HTR2A: variants seen among roughly 807,000 people sequenced by gnomAD.
HTR2A encodes the protein 5-hydroxytryptamine receptor 2A.
Under a neutral mutation model 31.0 loss-of-function variants are expected in HTR2A, and 14 were observed. The observed-to-expected ratio is 0.45, with a 90% confidence interval of 0.30 to 0.71. The LOEUF is 0.71. Ranked by LOEUF, HTR2A falls within the 30% of genes least tolerant of loss-of-function variation. HTR2A has a pLI of 0.09. For synonymous variants in HTR2A, 209 were observed against 225.2 expected (o/e 0.93, Z 0.64); for missense variants, 442 against 573.3 (o/e 0.77, Z 2.34).
chr13:46,864,439 T>A (rs2760345), intron 3 of HTR2A, among the ~76,000 whole-genome samples: 1 of 152,052 alleles, frequency 6.6e-6, no homozygotes, highest in Admixed American at 6.5e-5. Context: ...ATTCTTTCTT[T>A]GGCTCTTTGA....
chr13:46,885,568 G>A (rs937589345), intron 3 of HTR2A, among the ~76,000 whole-genome samples: 1 of 152,162 alleles, frequency 6.6e-6, no homozygotes, highest in Non-Finnish European at 1.5e-5. Context: ...TGAAGAAATT[G>A]CTGCATTAAA....
Position 46,856,282 on chromosome 13 carries a change from GCAAA to G in HTR2A, c.614-20647_614-20644del, listed in dbSNP as rs1950736858. 3.9e-5 allele frequency: 6 copies of G among 152,218 alleles called. No homozygotes were observed. In the South Asian group the frequency reaches 1.2e-3, roughly 32 times the overall value. 9.4% of individuals were successfully genotyped at this position (152,218 alleles called of 1,614,324 possible). A position where few individuals can be genotyped will look rare whatever the true frequency, so the allele number is the denominator to read the frequency against. On this transcript the variant is annotated intron_variant, in intron 3 of 3. Transcript: ENST00000542664. ...CACTTAGAAAAGATTTGAAATAAAT[GCAAA>G]TACCTAGGTACAATGTTTTATCTTT...
intron 3 of HTR2A, among the ~76,000 whole-genome samples, chr13:46,857,297 T>TAA (rs34073547): frequency 0.19 from 25,366 of 133,232 alleles, 2,546 homozygotes; most frequent in Non-Finnish European, 0.24. Flanking sequence ...GACTCCATCT[T>TAA]AAAAAAAAAA....
At chr13:46,877,440 ATTC>A (rs1271167020) in intron 3 of HTR2A, among the ~76,000 whole-genome samples, 1 of 152,208 alleles carries the variant, frequency 6.6e-6, no homozygotes, top group East Asian at 1.9e-4. Context: ...AAAGTAGTTT[ATTC>A]TTATATAAAG....
At chr13:46,881,664 C>T (rs1950964631) in intron 3 of HTR2A, among the ~76,000 whole-genome samples, 1 of 152,158 alleles carries the variant, frequency 6.6e-6, no homozygotes, top group African/African-American at 2.4e-5. Flanking sequence ...ACCCAAAGCC[C>T]TTTCTGTCCT....
chr13:46,894,654 C>T (rs1226045395), intron 2 of HTR2A, among the ~76,000 whole-genome samples: 1 of 152,156 alleles, frequency 6.6e-6, no homozygotes, highest in African/African-American at 2.4e-5. Flanking sequence ...GCTGCTTGTG[C>T]CTGTGTCAGC....
chr13:46,842,050 A>G (rs1950601667), intron 3 of HTR2A, among the ~76,000 whole-genome samples: 1 of 152,214 alleles, frequency 6.6e-6, no homozygotes, highest in Non-Finnish European at 1.5e-5. Flanking sequence ...GTAGGCATCG[A>G]CCAAAATATC....
At chr13:46,835,724 G>A (rs1006250345) in intron 3 of HTR2A, 85 bp from the exon 4 acceptor site, 12 of 1,005,536 alleles carry the variant, frequency 1.2e-5, no homozygotes, top group South Asian at 8.2e-5. Context: ...ATTGGCTATT[G>A]AAAAGATTTT....
chr13:46,847,573 C>T (rs2138195418), intron 3 of HTR2A, among the ~76,000 whole-genome samples: 1 of 152,310 alleles, frequency 6.6e-6, no homozygotes, highest in South Asian at 2.1e-4. Context: ...GTGGGCTAGA[C>T]ACATTTTTCA....
intron 3 of HTR2A, among the ~76,000 whole-genome samples, chr13:46,855,758 A>G (rs1436601539): frequency 6.6e-6 from 1 of 152,198 alleles, no homozygotes; most frequent in Non-Finnish European, 1.5e-5. Flanking sequence ...ATTTAACTTA[A>G]ATATCTAAAA....
intron 3 of HTR2A, among the ~76,000 whole-genome samples, chr13:46,876,364 C>T (rs998785125): frequency 7.3e-6 from 1 of 136,830 alleles, no homozygotes; most frequent in East Asian, 2.3e-4. Context: ...AAGGCATTTG[C>T]TGTGTGCTTG....
Position 46,839,459 on chromosome 13 carries a change from C to T in HTR2A, c.614-3820G>A, listed in dbSNP as rs187010208. 1.2e-3 allele frequency among the ~76,000 whole-genome samples: 187 copies of T among 152,228 alleles called. 1 individual carries two copies. The highest frequency in any genetic ancestry group is 2.2e-3 in the Non-Finnish European group (149 of 67,998). Reference sequence around the variant, plus strand: ...GAGAGATGAAGACATGGGCTGATATCCAATATCGTGGTCACAGCCATCTCT... The same window carrying T: ...GAGAGATGAAGACATGGGCTGATATTCAATATCGTGGTCACAGCCATCTCT... On this transcript the variant is annotated intron_variant, in intron 3 of 3. Coordinates refer to ENST00000542664, the MANE Select transcript of HTR2A (RefSeq NM_000621.5).
At chr13:46,866,302 C>A (rs975921142) in intron 3 of HTR2A, among the ~76,000 whole-genome samples, 1 of 152,148 alleles carries the variant, frequency 6.6e-6, no homozygotes, top group Non-Finnish European at 1.5e-5. Flanking sequence ...CTGACTCGCC[C>A]TTCAGCCTCA....
rs190473508 is a variant in HTR2A at position 46,880,890 on chromosome 13, C to T, written c.613+11500G>A. The stretch of plus-strand genomic sequence containing the variant: ...ACCTCTTTCTTTCTTATGACCTGAT[C>T]GTTTCTTAATTATTCTCACCAGTTT... On this transcript the variant is annotated intron_variant, in intron 3 of 3. Coordinates refer to ENST00000542664, the MANE Select transcript of HTR2A (RefSeq NM_000621.5). Among the ~76,000 whole-genome samples the T allele has an allele frequency of 2.1e-4, 32 of 152,122 alleles. No homozygotes were observed. The East Asian group carries it at 5.2e-3, about 25-fold the overall frequency.
In HTR2A at chr13:46,831,929, T is replaced by C. The variant is rs1222460752; in HGVS notation, c.*2908A>G. ...GGTTTGTTACTCCGTTTTAATAGTA[T>C]TCATTAAAAGTGAATCCTTTAATCA... On this transcript the variant is annotated 3_prime_UTR_variant, in exon 4 of 4. Coordinates refer to ENST00000542664, the MANE Select transcript of HTR2A (RefSeq NM_000621.5). 1 of 152,254 alleles carries C rather than the reference T, an allele frequency of 6.6e-6. No individual in the cohort carries two copies. The highest frequency in any genetic ancestry group is 1.5e-5 in the Non-Finnish European group (1 of 68,042). 9.4% of individuals were successfully genotyped at this position (152,254 alleles called of 1,614,324 possible).
chr13:46,864,472 C>T (rs757356406), intron 3 of HTR2A, among the ~76,000 whole-genome samples: 8 of 151,994 alleles, frequency 5.3e-5, no homozygotes, highest in Non-Finnish European at 1.0e-4. Context: ...TTTAAAAGGC[C>T]CTCGCAGGTC....
chr13:46,850,353 C>T (rs1011728708), intron 3 of HTR2A, among the ~76,000 whole-genome samples: 1 of 152,196 alleles, frequency 6.6e-6, no homozygotes, highest in Non-Finnish European at 1.5e-5. Flanking sequence ...ACTTACTCCT[C>T]ACAGTCACCC....
chr13:46,892,406 A>T lies in HTR2A; in HGVS notation c.597T>A (p.Val199=). 6.2e-7 allele frequency: 1 copy of T among 1,614,232 alleles called. No individual in the cohort carries two copies. Among genetic ancestry groups the T allele is most frequent in the Non-Finnish European group, 8.5e-7 (1 of 1,180,018 alleles). ...RTKAFLKIIA[V]WTISVGISMP... ...GCCACTTACCTACTGATATGGTCCA[A>T]ACAGCAATGATTTTCAGAAATGCCT... Residue 199 remains valine (V), a synonymous_variant, in exon 3 of 4, where the codon GTT becomes GTA. Transcript: ENST00000542664.
At position 46,835,046 on chromosome 13, in the gene HTR2A, T is replaced by C. The variant is rs2138336623; in HGVS notation, c.1207A>G (p.Lys403Glu). The change falls in exon 4 of 4, where the codon AAA becomes GAA. Residue 403 changes from lysine to glutamate, a missense_variant. Physicochemically the swap from Lys to Glu is moderately conservative, Grantham distance 56. This residue lies in a region of HTR2A where 88 missense variants were observed against 83.1 expected (regional missense o/e 1.06). Transcript: ENST00000542664. ...RYIQCQYKEN[K>E]KPLQLILVNT... is the part of the protein sequence containing the mutation. ...ACTAAAATTAACTGCAATGGTTTTT[T>C]GTTTTCCTTGTACTGACACTGAATA... The C allele has an allele frequency of 6.2e-7, 1 of 1,614,154 alleles. No individual in the cohort carries two copies. The highest frequency in any genetic ancestry group is 2.2e-5 in the East Asian group (1 of 44,892).
Sources: gnomAD v4.1 joint callset for allele counts (sites outside exome capture counted in the v4.1 genomes callset) on GRCh38, gnomAD v4.1.1 for gene constraint, gnomAD v4.1.1 regional missense constraint, MANE v1.5 for transcripts, NCBI Gene and HGNC (gene_info 2026-07-23, HGNC 2026-07-21) for gene names.